PECAM1: variants seen among roughly 807,000 people sequenced by gnomAD.
PECAM1 encodes platelet and endothelial cell adhesion molecule 1, also known as platelet endothelial cell adhesion molecule.
Under a neutral mutation model 13.8 loss-of-function variants are expected in PECAM1, and 8 were observed. The ratio of observed to expected loss-of-function variants is 0.58; its 90% CI spans 0.34 to 1.05. PECAM1 has a LOEUF of 1.05. Ranked by LOEUF, PECAM1 falls within the 50% of genes least tolerant of loss-of-function variation. The pLI, the probability that PECAM1 is intolerant of heterozygous loss-of-function variation, is 0.03. For missense variants in PECAM1, 304 were observed against 141.2 expected (o/e 2.15, Z -5.84); for synonymous variants, 136 against 52.6 (o/e 2.58, Z -6.86).
intron 7 of PECAM1, among the ~76,000 whole-genome samples, chr17:64,359,643 C>T (rs1003699445): frequency 3.2e-4 from 48 of 152,224 alleles, no homozygotes; most frequent in Non-Finnish European, 6.6e-4. Flanking sequence ...AAAGAGATTA[C>T]ATTGTCCTCA....
intron 3 of PECAM1, among the ~76,000 whole-genome samples, chr17:64,375,881 A>C (rs1043958621): frequency 1.3e-5 from 2 of 151,998 alleles, no homozygotes; most frequent in Non-Finnish European, 2.9e-5. Flanking sequence ...GAGCTAAGCT[A>C]TGAGGAAACA....
intron 4 of PECAM1, among the ~76,000 whole-genome samples, chr17:64,371,594 G>T (rs1043189359): frequency 6.6e-6 from 1 of 152,330 alleles, no homozygotes; most frequent in African/African-American, 2.4e-5. Context: ...CACTTTGAGA[G>T]GCCAAGGTGG....
At chr17:64,346,070 A>G (rs1389371573) in intron 13 of PECAM1, among the ~76,000 whole-genome samples, 1 of 152,042 alleles carries the variant, frequency 6.6e-6, no homozygotes, top group Non-Finnish European at 1.5e-5. Flanking sequence ...GGCCTGGAAA[A>G]CTGCACGCAT....
At chr17:64,343,246 G>C (rs1331420371) in intron 13 of PECAM1, among the ~76,000 whole-genome samples, 7 of 151,788 alleles carry the variant, frequency 4.6e-5, no homozygotes, top group African/African-American at 9.7e-5. Flanking sequence ...CATGCTCCAG[G>C]GACACCCCAC....
chr17:64,319,552 G>A lies in PECAM1; in HGVS notation c.*4264C>T, dbSNP rs1338009848. On this transcript the variant is annotated 3_prime_UTR_variant, in exon 16 of 16. Transcript: ENST00000563924. ...CTTAACTTGGGGTTTTATGTATTTG[G>A]CATAGTTCTGGGATTTACGTCTCAT... 2.0e-5 allele frequency: 3 copies of A among 152,114 alleles called. No individual in the cohort carries two copies. Among genetic ancestry groups the A allele is most frequent in the Non-Finnish European group, 2.9e-5 (2 of 68,030 alleles). 9.4% of individuals were successfully genotyped at this position (152,114 alleles called of 1,614,324 possible). A position where few individuals can be genotyped will look rare whatever the true frequency, so the allele number is the denominator to read the frequency against.
chr17:64,385,495 G>A (rs1337641660), intron 2 of PECAM1, among the ~76,000 whole-genome samples: 1 of 152,142 alleles, frequency 6.6e-6, no homozygotes, highest in Non-Finnish European at 1.5e-5. Flanking sequence ...ATGAACTTCT[G>A]TGCTCATCAG....
At chr17:64,327,437 G>A (rs1555645899) in intron 15 of PECAM1, among the ~76,000 whole-genome samples, 1 of 152,212 alleles carries the variant, frequency 6.6e-6, no homozygotes, top group African/African-American at 2.4e-5. Flanking sequence ...CCAAAAGACA[G>A]CTGGAAAGCT....
In PECAM1 at chr17:64,322,629, C is replaced by T. The variant is rs1443988763; in HGVS notation, c.*1187G>A. On this transcript the variant is annotated 3_prime_UTR_variant, in exon 16 of 16. Coordinates refer to ENST00000563924, the MANE Select transcript of PECAM1 (RefSeq NM_000442.5). ...TTCTCATCTGTGAAATTCCACAGCG[C>T]AATGACAGCAGCCTCTCTCCCACCC... 1 of 985,262 alleles carries T rather than the reference C, an allele frequency of 1.0e-6. No individual in the cohort carries two copies. Among genetic ancestry groups the T allele is most frequent in the Non-Finnish European group, 1.2e-6 (1 of 829,892 alleles). The allele number at this position is 985,262 out of a possible 1,614,324, so 61.0% of individuals were successfully genotyped here. A position where few individuals can be genotyped will look rare whatever the true frequency, so the allele number is the denominator to read the frequency against.
chr17:64,329,426 T>G (rs1471768596), intron 15 of PECAM1, among the ~76,000 whole-genome samples: 4 of 152,178 alleles, frequency 2.6e-5, no homozygotes, highest in African/African-American at 9.7e-5. Context: ...ACTTTGGCGT[T>G]AAACGAAATG....
At position 64,390,790 on chromosome 17, in the gene PECAM1, C is replaced by A; in HGVS notation, c.-125G>T. On this transcript the variant is annotated 5_prime_UTR_variant, in exon 1 of 16. Coordinates refer to ENST00000563924, the MANE Select transcript of PECAM1 (RefSeq NM_000442.5). Reference sequence around the variant, plus strand: ...TGTGAAAAGCAGAAATTGCTCTGGTCACTTCTCCCGGCGCCTGCAGAGAGA... The same window carrying A: ...TGTGAAAAGCAGAAATTGCTCTGGTAACTTCTCCCGGCGCCTGCAGAGAGA... 1 of 398,754 alleles carries A rather than the reference C, an allele frequency of 2.5e-6. No homozygotes were observed. Among genetic ancestry groups the A allele is most frequent in the South Asian group, 1.4e-4 (1 of 7,110 alleles). 24.7% of individuals were successfully genotyped at this position (398,754 alleles called of 1,614,324 possible).
In PECAM1 at chr17:64,365,619, A is replaced by T. The variant is rs1376056889; in HGVS notation, c.968-2222T>A. On this transcript the variant is annotated intron_variant, in intron 5 of 15. Coordinates refer to ENST00000563924, the MANE Select transcript of PECAM1 (RefSeq NM_000442.5). ...AAAACAGCATGGTACTGGTACCAAAACAGAGATATAGATCAATGGAACGGA... is the reference window on the plus strand; with the variant it reads ...AAAACAGCATGGTACTGGTACCAAATCAGAGATATAGATCAATGGAACGGA... 3.6e-3 allele frequency among the ~76,000 whole-genome samples: 554 copies of T among 152,248 alleles called. 3 individuals are homozygous for T. Among genetic ancestry groups the T allele is most frequent in the African/African-American group, 0.013 (532 of 41,558 alleles).
intron 9 of PECAM1, among the ~76,000 whole-genome samples, chr17:64,353,962 CAG>C (rs2035792198): frequency 7.2e-6 from 1 of 138,692 alleles, no homozygotes; most frequent in East Asian, 2.1e-4. Context: ...TTTTTTGAGA[CAG>C]AGTCTTGCTC....
chr17:64,361,115 C>G lies in PECAM1; in HGVS notation c.1217-700G>C, dbSNP rs937830350. ...GGATTATAAGTATGAGCCACCACAC[C>G]TGGCTGAGCATATATGTGTGTGTGT... On this transcript the variant is annotated intron_variant, in intron 6 of 15. Transcript: ENST00000563924. Among the ~76,000 whole-genome samples, 56 of 114,442 alleles carry G rather than the reference C, an allele frequency of 4.9e-4. No homozygotes were observed. The East Asian group carries it at 0.015, about 30-fold the overall frequency. 75.1% of individuals were successfully genotyped at this position (114,442 alleles called of 152,430 possible).
intron 15 of PECAM1, among the ~76,000 whole-genome samples, chr17:64,328,809 G>C (rs2035026623): frequency 6.6e-6 from 1 of 152,186 alleles, no homozygotes; most frequent in African/African-American, 2.4e-5. Context: ...TAGCTGCCCA[G>C]TTAACTCCTG....
At position 64,323,543 on chromosome 17, in the gene PECAM1, TCTC is replaced by T. The variant is rs2034858689; in HGVS notation, c.*270_*272del. On this transcript the variant is annotated 3_prime_UTR_variant, in exon 16 of 16. Coordinates refer to ENST00000563924, the MANE Select transcript of PECAM1 (RefSeq NM_000442.5). ...AATATCCCAATGGCCTTGCCCTGGA[TCTC>T]CTCTTGTGCTCTTCCAATTTCCAAG... 1 of 1,399,646 alleles carries T rather than the reference TCTC, an allele frequency of 7.1e-7. No homozygotes were observed. The highest frequency in any genetic ancestry group is 2.7e-5 in the East Asian group (1 of 36,770). The allele number at this position is 1,399,646 out of a possible 1,614,324, so 86.7% of individuals were successfully genotyped here. A position where few individuals can be genotyped will look rare whatever the true frequency, so the allele number is the denominator to read the frequency against.
At chr17:64,367,425 C>G (rs2036134355) in intron 5 of PECAM1, among the ~76,000 whole-genome samples, 1 of 151,894 alleles carries the variant, frequency 6.6e-6, no homozygotes, top group Non-Finnish European at 1.5e-5. Flanking sequence ...TGGTGCATGC[C>G]TATAATCCCA....
At chr17:64,375,393 A>C (rs1377021396) in intron 3 of PECAM1, 37 bp from the exon 4 acceptor site, 3 of 433,546 alleles carry the variant, frequency 6.9e-6, no homozygotes, top group Admixed American at 4.0e-5. Flanking sequence ...TATCAGCCTG[A>C]TTGAAGAGAA....
At chr17:64,349,625 G>A (rs945964810) in intron 12 of PECAM1, among the ~76,000 whole-genome samples, 2 of 145,604 alleles carry the variant, frequency 1.4e-5, no homozygotes, top group Admixed American at 7.0e-5. Context: ...AGTGGCTCGC[G>A]CCTGTAATTC....
intron 2 of PECAM1, among the ~76,000 whole-genome samples, chr17:64,386,564 G>A (rs2036598606): frequency 6.6e-6 from 1 of 152,134 alleles, no homozygotes; most frequent in African/African-American, 2.4e-5. Flanking sequence ...TGGATATGGG[G>A]TTGAAAGAAT....
Sources: allele counts gnomAD v4.1 joint callset (sites outside exome capture counted in the v4.1 genomes callset), GRCh38; gene constraint gnomAD v4.1.1; transcripts MANE v1.5; gene names NCBI Gene and HGNC (gene_info 2026-07-23, HGNC 2026-07-21).